The following SIPA1L2 variants were observed in gnomAD, a reference collection of about 807,000 sequenced individuals.
SIPA1L2 encodes the protein signal induced proliferation associated 1 like 2.
Under a neutral mutation model 163.9 loss-of-function variants are expected in SIPA1L2, and 56 were observed. The ratio of observed to expected loss-of-function variants is 0.34; its 90% CI spans 0.28 to 0.43. The LOEUF is 0.43. SIPA1L2 is among the 20% of genes least tolerant of loss of function. SIPA1L2 has a pLI of 1.00. For missense variants in SIPA1L2, 1,974 were observed against 2,193.5 expected, an observed-to-expected ratio of 0.90 and a Z score of 2.00; for synonymous variants, 877 against 865.7, an observed-to-expected ratio of 1.01 and a Z score of -0.23.
At chr1:232,562,824 C>A (rs1294442896) in intron 2 of SIPA1L2, among the ~76,000 whole-genome samples, 2 of 152,184 alleles carry the variant, frequency 1.3e-5, no homozygotes, top group Non-Finnish European at 2.9e-5. Context: ...CACGTGTTCA[C>A]TTTTTTCCCC....
chr1:232,463,463 A>C (rs1664343275), intron 9 of SIPA1L2, among the ~76,000 whole-genome samples: 1 of 152,238 alleles, frequency 6.6e-6, no homozygotes, highest in Non-Finnish European at 1.5e-5. Context: ...AAGTCATCCT[A>C]GACACAGAAT....
intron 10 of SIPA1L2, among the ~76,000 whole-genome samples, chr1:232,455,613 G>A (rs1419547727): frequency 7.0e-5 from 5 of 71,844 alleles, no homozygotes; most frequent in Admixed American, 2.0e-4. Context: ...CCCGTGAGGC[G>A]GAGCTTGCAG....
intron 1 of SIPA1L2, among the ~76,000 whole-genome samples, chr1:232,580,540 T>C (rs1660320597): frequency 6.6e-6 from 1 of 152,202 alleles, no homozygotes. Context: ...AAACAGGTTA[T>C]GATGGTACCT....
intron 1 of SIPA1L2, among the ~76,000 whole-genome samples, chr1:232,590,164 A>C (rs1239029570): frequency 6.6e-6 from 1 of 152,148 alleles, no homozygotes; most frequent in Non-Finnish European, 1.5e-5. Context: ...GGAGCACATC[A>C]TGGAACAGAC....
intron 15 of SIPA1L2, among the ~76,000 whole-genome samples, chr1:232,434,364 A>C (rs1662425964): frequency 6.6e-6 from 1 of 152,180 alleles, no homozygotes; most frequent in South Asian, 2.1e-4. Context: ...AAATTAACCA[A>C]CCAACAAACA....
At chr1:232,506,312 C>CA (rs1558230281) in intron 3 of SIPA1L2, among the ~76,000 whole-genome samples, 1 of 152,152 alleles carries the variant, frequency 6.6e-6, no homozygotes, top group African/African-American at 2.4e-5. Flanking sequence ...AAGCCCTTTA[C>CA]AGGGGGGATT....
chr1:232,538,292 G>A lies in SIPA1L2; in HGVS notation c.-269-22684C>T, dbSNP rs1657432481. Among the ~76,000 whole-genome samples, 3 of 152,298 alleles carry A rather than the reference G, an allele frequency of 2.0e-5. No individual in the cohort carries two copies. In the South Asian group the frequency reaches 6.2e-4, roughly 32 times the overall value. On this transcript the variant is annotated intron_variant, in intron 2 of 22. Coordinates refer to ENST00000674635, the MANE Select transcript of SIPA1L2 (RefSeq NM_020808.5). Reference sequence around the variant, plus strand: ...CACTCAGGCATGTCAGACAAGAGAAGAGGGGGTATGGGGCAGATGAGGAAG... The same window carrying A: ...CACTCAGGCATGTCAGACAAGAGAAAAGGGGGTATGGGGCAGATGAGGAAG...
chr1:232,426,773 T>G (rs1397603539), intron 17 of SIPA1L2, among the ~76,000 whole-genome samples: 1 of 152,224 alleles, frequency 6.6e-6, no homozygotes, highest in Admixed American at 6.5e-5. Context: ...TGTGTTTAAT[T>G]ACAGATAGGG....
chr1:232,476,190 T>C (rs761561753), intron 7 of SIPA1L2, among the ~76,000 whole-genome samples: 2 of 152,144 alleles, frequency 1.3e-5, no homozygotes, highest in Non-Finnish European at 2.9e-5. Flanking sequence ...CTATCCACTA[T>C]GGAGAAAAGG....
chr1:232,528,349 C>T (rs7553520), intron 2 of SIPA1L2, among the ~76,000 whole-genome samples: 3 of 151,924 alleles, frequency 2.0e-5, no homozygotes, highest in Admixed American at 2.0e-4. Flanking sequence ...ACTGTGTTTC[C>T]AGAGAATCAG....
At chr1:232,533,184 C>A (rs1657086875) in intron 2 of SIPA1L2, among the ~76,000 whole-genome samples, 2 of 152,092 alleles carry the variant, frequency 1.3e-5, no homozygotes. Flanking sequence ...GGGTGTGGGG[C>A]CCCCAGACAG....
intron 2 of SIPA1L2, among the ~76,000 whole-genome samples, chr1:232,571,255 A>G (rs1486664511): frequency 6.6e-6 from 1 of 152,250 alleles, no homozygotes; most frequent in African/African-American, 2.4e-5. Context: ...ACGATAAAAC[A>G]CTTTTTTTAA....
chr1:232,456,030 C>G (rs1350142943), intron 10 of SIPA1L2, among the ~76,000 whole-genome samples: 2 of 152,088 alleles, frequency 1.3e-5, no homozygotes, highest in African/African-American at 4.8e-5. Context: ...ACAAAATTAT[C>G]TGTACACCAA....
chr1:232,576,697 A>G (rs1375560444), intron 1 of SIPA1L2, among the ~76,000 whole-genome samples: 1 of 152,240 alleles, frequency 6.6e-6, no homozygotes, highest in Non-Finnish European at 1.5e-5. Context: ...CAAACAGCCA[A>G]GTCGCGAATA....
intron 10 of SIPA1L2, among the ~76,000 whole-genome samples, chr1:232,455,116 T>C (rs1663817169): frequency 6.6e-6 from 1 of 152,200 alleles, no homozygotes. Flanking sequence ...AATCTGAATG[T>C]TATATTGGAG....
intron 2 of SIPA1L2, among the ~76,000 whole-genome samples, chr1:232,540,303 T>C (rs908175740): frequency 1.3e-5 from 2 of 152,024 alleles, no homozygotes; most frequent in African/African-American, 4.8e-5. Context: ...AAACTCCATC[T>C]CAAAACAACA....
intron 1 of SIPA1L2, among the ~76,000 whole-genome samples, chr1:232,617,783 C>T (rs149726833): frequency 1.1e-4 from 17 of 152,308 alleles, no homozygotes; most frequent in African/African-American, 4.1e-4. Context: ...TGGGTGTATG[C>T]ATTTATCAAA....
chr1:232,482,883 G>C (rs1558212571), intron 6 of SIPA1L2, among the ~76,000 whole-genome samples: 1 of 152,170 alleles, frequency 6.6e-6, no homozygotes, highest in African/African-American at 2.4e-5. Flanking sequence ...ATTCCTACTG[G>C]GAGTTGGGGC....
At chr1:232,436,053 T>C (rs1326345856) in intron 15 of SIPA1L2, among the ~76,000 whole-genome samples, 1 of 152,176 alleles carries the variant, frequency 6.6e-6, no homozygotes, top group Non-Finnish European at 1.5e-5. Context: ...GTACACCATA[T>C]ACTGATTGGG....
Sources: gnomAD v4.1 joint callset for allele counts (sites outside exome capture counted in the v4.1 genomes callset) on GRCh38, gnomAD v4.1.1 for gene constraint, MANE v1.5 for transcripts, NCBI Gene and HGNC (gene_info 2026-07-23, HGNC 2026-07-21) for gene names.